AP2B1: variants seen among roughly 807,000 people sequenced by gnomAD.
AP2B1 encodes the protein adaptor related protein complex 2 subunit beta 1, also known as AP-2 complex subunit beta.
A neutral mutation model predicts 102.0 loss-of-function variants in AP2B1; 23 were observed. The observed-to-expected ratio is 0.23, with a 90% CI of 0.16 to 0.32. The LOEUF (loss-of-function observed/expected upper bound fraction) is 0.32, where lower values mean the gene tolerates loss of function less well. Among genes scored for constraint, AP2B1 ranks in the 10% least tolerant of loss-of-function variants. The pLI, the probability that AP2B1 is intolerant of heterozygous loss-of-function variation, is 1.00. For missense variants in AP2B1, 541 were observed against 1,157.4 expected (o/e 0.47, Z 7.73); for synonymous variants, 381 against 421.2 (o/e 0.90, Z 1.17).
At chr17:35,639,461 T>A in intron 10 of AP2B1, 134 bp from the exon 11 acceptor site, 2 of 644,552 alleles carry the variant, frequency 3.1e-6, no homozygotes, top group Non-Finnish European at 2.5e-6. Flanking sequence ...ACCTATTCAT[T>A]CTCTTGACTA....
chr17:35,587,650 G>C (rs1343716256), intron 1 of AP2B1: 1 of 152,978 alleles, frequency 6.5e-6, no homozygotes, highest in Non-Finnish European at 1.5e-5. Flanking sequence ...GGGAATCCTC[G>C]GGTGTGGCAG....
At chr17:35,689,175 T>C (rs902614630) in intron 18 of AP2B1, among the ~76,000 whole-genome samples, 1 of 152,100 alleles carries the variant, frequency 6.6e-6, no homozygotes, top group African/African-American at 2.4e-5. Context: ...AGTATTTTAG[T>C]ATGTCTCGTA....
chr17:35,683,631 T>G (rs1237497206), intron 18 of AP2B1, among the ~76,000 whole-genome samples: 1 of 152,194 alleles, frequency 6.6e-6, no homozygotes, highest in Non-Finnish European at 1.5e-5. Flanking sequence ...TTTCATTCAG[T>G]TTTCACCTAC....
chr17:35,598,143 A>G, intron 2 of AP2B1, 87 bp from the exon 3 acceptor site: 2 of 576,290 alleles, frequency 3.5e-6, no homozygotes, highest in Non-Finnish European at 5.9e-6. Context: ...CTGCCCTGCT[A>G]TCCTGGTATT....
intron 18 of AP2B1, among the ~76,000 whole-genome samples, chr17:35,692,556 C>G (rs1219439833): frequency 6.6e-6 from 1 of 152,172 alleles, no homozygotes; most frequent in Non-Finnish European, 1.5e-5. Flanking sequence ...ACAGAGAACT[C>G]ACTCAGTTTT....
At chr17:35,693,531 T>C (rs1175249676) in intron 18 of AP2B1, among the ~76,000 whole-genome samples, 1 of 152,220 alleles carries the variant, frequency 6.6e-6, no homozygotes, top group African/African-American at 2.4e-5. Flanking sequence ...AAGGCATTTA[T>C]ATAATGTCAG....
At chr17:35,699,766 T>C (rs753523150) in intron 18 of AP2B1, among the ~76,000 whole-genome samples, 2 of 152,208 alleles carry the variant, frequency 1.3e-5, no homozygotes, top group Non-Finnish European at 2.9e-5. Flanking sequence ...TTTGAAATGC[T>C]ATTTAAACTT....
chr17:35,724,723 C>T lies in AP2B1; in HGVS notation c.*1024C>T, dbSNP rs1449467812. On this transcript the variant is annotated 3_prime_UTR_variant, in exon 22 of 22. Coordinates refer to ENST00000610402, the MANE Select transcript of AP2B1 (RefSeq NM_001030006.2). ...AGCTGTGTAGTGGCAAAGCCGAGAC[C>T]GAGTCTCCTAAGTCCCCGTCAGTGT... is the stretch of plus-strand genomic sequence containing the variant. 9 of 152,196 alleles carry T rather than the reference C, an allele frequency of 5.9e-5. No homozygotes were observed. Among genetic ancestry groups the T allele is most frequent in the Admixed American group, 4.6e-4 (7 of 15,272 alleles). The allele number at this position is 152,196 out of a possible 1,614,324, so 9.4% of individuals were successfully genotyped here.
intron 13 of AP2B1, among the ~76,000 whole-genome samples, chr17:35,656,881 T>C (rs1364422187): frequency 3.7e-5 from 2 of 54,284 alleles, no homozygotes; most frequent in Non-Finnish European, 6.7e-5. Context: ...CGAGACTCCG[T>C]CTCAAAAAAA....
intron 12 of AP2B1, among the ~76,000 whole-genome samples, chr17:35,646,791 C>G (rs373899331): frequency 4.0e-5 from 6 of 151,808 alleles, no homozygotes; most frequent in Non-Finnish European, 8.8e-5. Context: ...ATTTTGCCAT[C>G]TTGGCCAGGC....
intron 17 of AP2B1, among the ~76,000 whole-genome samples, 153 bp downstream of exon 17, chr17:35,674,474 G>A (rs574347119): frequency 2.6e-5 from 4 of 152,232 alleles, no homozygotes; most frequent in South Asian, 4.1e-4. Flanking sequence ...AGGCCGAGAC[G>A]GGCTGATTAC....
At chr17:35,607,850 G>T in intron 4 of AP2B1, 4 of 223,516 alleles carry the variant, frequency 1.8e-5, no homozygotes, top group East Asian at 9.6e-5. Context: ...AGATCCTAAT[G>T]GCTGTGGGAT....
At chr17:35,699,135 G>A (rs193010700) in intron 18 of AP2B1, among the ~76,000 whole-genome samples, 17 of 152,244 alleles carry the variant, frequency 1.1e-4, no homozygotes, top group Non-Finnish European at 1.5e-4. Context: ...GCTTCCTTTC[G>A]AATCAAGGCT....
intron 18 of AP2B1, 46 bp downstream of exon 18, chr17:35,682,870 AATT>A (rs200828221): frequency 2.2e-3 from 3,237 of 1,485,614 alleles, no homozygotes; most frequent in East Asian, 3.0e-3. Flanking sequence ...ATATCTTGAC[AATT>A]ATTATTATTA....
At position 35,592,832 on chromosome 17, in the gene AP2B1, T is replaced by C. The variant is rs181839085; in HGVS notation, c.-23-1176T>C. Among the ~76,000 whole-genome samples, 140 of 152,300 alleles carry C rather than the reference T, an allele frequency of 9.2e-4. 4 individuals carry two copies. In the East Asian group the frequency reaches 0.018, roughly 20 times the overall value. On this transcript the variant is annotated intron_variant, in intron 1 of 21. Transcript: ENST00000610402. Reference sequence around the variant, plus strand: ...CTGGGATTACAGGCGTGAGCTACTGTGCCTGGCCCCAAAATTTTAATATAT... The same window carrying C: ...CTGGGATTACAGGCGTGAGCTACTGCGCCTGGCCCCAAAATTTTAATATAT...
chr17:35,690,291 T>C (rs2076015663), intron 18 of AP2B1, among the ~76,000 whole-genome samples: 1 of 152,230 alleles, frequency 6.6e-6, no homozygotes, highest in South Asian at 2.1e-4. Context: ...TTCCATTTGA[T>C]TTTTTGCTGA....
intron 18 of AP2B1, among the ~76,000 whole-genome samples, chr17:35,708,089 G>A (rs1555585690): frequency 6.6e-6 from 1 of 152,206 alleles, no homozygotes; most frequent in African/African-American, 2.4e-5. Context: ...AGTTTTAAGA[G>A]GTCAGTATGC....
intron 12 of AP2B1, among the ~76,000 whole-genome samples, chr17:35,644,870 A>G (rs2074882620): frequency 6.6e-6 from 1 of 152,202 alleles, no homozygotes; most frequent in African/African-American, 2.4e-5. Flanking sequence ...CATCTCTACA[A>G]AAAATACAAA....
chr17:35,693,402 T>C (rs1225920937), intron 18 of AP2B1, among the ~76,000 whole-genome samples: 1 of 152,212 alleles, frequency 6.6e-6, no homozygotes, highest in African/African-American at 2.4e-5. Context: ...ATAAATTAAG[T>C]TTCTGAATCA....
Sources: gnomAD v4.1 joint callset for allele counts (sites outside exome capture counted in the v4.1 genomes callset) on GRCh38, gnomAD v4.1.1 for gene constraint, MANE v1.5 for transcripts, NCBI Gene and HGNC (gene_info 2026-07-23, HGNC 2026-07-21) for gene names.